The following UBXN2B variants were observed in gnomAD, a reference collection of about 807,000 sequenced individuals.
UBXN2B encodes the protein UBX domain protein 2B.
In UBXN2B, 19 loss-of-function variants were observed where a neutral mutation model predicts 37.5. The ratio of observed to expected loss-of-function variants is 0.51; its 90% confidence interval spans 0.35 to 0.74. UBXN2B has a LOEUF of 0.74. Among genes scored for constraint, UBXN2B ranks in the 30% least tolerant of loss-of-function variants. The probability of loss-of-function intolerance (pLI) is 0.01; values close to 1 mark genes in which losing one functional copy is unlikely to be tolerated. For missense variants in UBXN2B, 370 were observed against 393.2 expected, an observed-to-expected ratio of 0.94 and a Z score of 0.50; for synonymous variants, 145 against 143.8, an observed-to-expected ratio of 1.01 and a Z score of -0.06.
intron 3 of UBXN2B, among the ~76,000 whole-genome samples, chr8:58,432,341 C>T (rs1808300202): frequency 6.9e-6 from 1 of 143,986 alleles, no homozygotes; most frequent in South Asian, 2.2e-4. Context: ...GCACTCCTTT[C>T]TCCATTGAAT....
At chr8:58,433,611 T>TAAAA (rs34836809) in intron 4 of UBXN2B, among the ~76,000 whole-genome samples, 2 of 118,044 alleles carry the variant, frequency 1.7e-5, no homozygotes, top group South Asian at 2.8e-4. Context: ...CCTATCTCTT[T>TAAAA]AAAAAAAAAA....
At chr8:58,435,626 A>G (rs969056838) in intron 5 of UBXN2B, among the ~76,000 whole-genome samples, 2 of 152,224 alleles carry the variant, frequency 1.3e-5, no homozygotes, top group African/African-American at 4.8e-5. Context: ...TAATTTCAAG[A>G]TAGTGGAAAC....
Position 58,451,443 on chromosome 8 carries a change from T to C in UBXN2B, c.*3892T>C, listed in dbSNP as rs531008257. The C allele has an allele frequency of 2.0e-5, 3 of 152,366 alleles. No individual in the cohort carries two copies. The highest frequency in any genetic ancestry group is 4.8e-5 in the African/African-American group (2 of 41,584). The allele number at this position is 152,366 out of a possible 1,614,324, so 9.4% of individuals were successfully genotyped here. ...GAGGTCAGTCATTTTGCATGATGTA[T>C]GTAATCAAAAAGTTTGAAATGTCTG... On this transcript the variant is annotated 3_prime_UTR_variant, in exon 8 of 8. Coordinates refer to ENST00000399598, the MANE Select transcript of UBXN2B (RefSeq NM_001077619.2).
At chr8:58,423,670 C>T (rs1420791870) in intron 2 of UBXN2B, among the ~76,000 whole-genome samples, 1 of 151,628 alleles carries the variant, frequency 6.6e-6, no homozygotes, top group Non-Finnish European at 1.5e-5. Context: ...CTCCTGACCT[C>T]ATGATCCGCC....
In UBXN2B at chr8:58,448,743, C is replaced by G. The variant is rs941825367; in HGVS notation, c.*1192C>G. On this transcript the variant is annotated 3_prime_UTR_variant, in exon 8 of 8. Coordinates refer to ENST00000399598, the MANE Select transcript of UBXN2B (RefSeq NM_001077619.2). ...ATTACCAGCATAAATGTTTGCATTT[C>G]TGCTGAAGCCAGAAGCTTTTCCTTC... 1.3e-5 allele frequency: 2 copies of G among 152,574 alleles called. No homozygotes were observed. Among genetic ancestry groups the G allele is most frequent in the African/African-American group, 4.8e-5 (2 of 41,446 alleles). 9.5% of individuals were successfully genotyped at this position (152,574 alleles called of 1,614,324 possible).
intron 3 of UBXN2B, 28 bp downstream of exon 3, chr8:58,430,697 A>G (rs1288555017): frequency 3.6e-6 from 5 of 1,388,018 alleles, no homozygotes; most frequent in Middle Eastern, 1.9e-4. Flanking sequence ...AACTAAATAC[A>G]TTGTTTCTAT....
intron 1 of UBXN2B, among the ~76,000 whole-genome samples, chr8:58,413,541 C>T (rs986445933): frequency 6.6e-6 from 1 of 152,114 alleles, no homozygotes; most frequent in Non-Finnish European, 1.5e-5. Context: ...TAACAGCTTG[C>T]TCTAAGAGTC....
At chr8:58,446,955 C>T (rs563048811) in intron 7 of UBXN2B, among the ~76,000 whole-genome samples, 19 of 151,666 alleles carry the variant, frequency 1.3e-4, no homozygotes, top group African/African-American at 4.6e-4. Flanking sequence ...CACCACCATG[C>T]CCAGCTAATT....
chr8:58,416,105 A>G (rs1012091180), intron 1 of UBXN2B, among the ~76,000 whole-genome samples: 3 of 151,694 alleles, frequency 2.0e-5, no homozygotes, highest in African/African-American at 7.3e-5. Context: ...TGCCAATTAT[A>G]ATTGAATAGC....
intron 3 of UBXN2B, among the ~76,000 whole-genome samples, chr8:58,432,550 T>C (rs192789390): frequency 2.6e-5 from 4 of 151,812 alleles, no homozygotes; most frequent in Non-Finnish European, 5.9e-5. Context: ...ACCCAGCTAA[T>C]TTTTTGTATT....
intron 5 of UBXN2B, among the ~76,000 whole-genome samples, chr8:58,436,488 C>T (rs1056280467): frequency 1.4e-4 from 22 of 152,170 alleles, no homozygotes; most frequent in African/African-American, 5.3e-4. Flanking sequence ...TCCCCTACCT[C>T]GACACTGAAT....
chr8:58,450,906 G>A lies in UBXN2B; in HGVS notation c.*3355G>A, dbSNP rs1218770678. 3 of 152,326 alleles carry A rather than the reference G, an allele frequency of 2.0e-5. No homozygotes were observed. The highest frequency in any genetic ancestry group is 6.5e-5 in the Admixed American group (1 of 15,284). 9.4% of individuals were successfully genotyped at this position (152,326 alleles called of 1,614,324 possible). ...ACCACTGCAGAGAAGTTTTCTCAGT[G>A]CCGTAATATAGAGGAATTCTCAAAA... On this transcript the variant is annotated 3_prime_UTR_variant, in exon 8 of 8. Transcript: ENST00000399598.
intron 6 of UBXN2B, among the ~76,000 whole-genome samples, chr8:58,442,333 T>G (rs1002280189): frequency 2.6e-5 from 4 of 152,184 alleles, no homozygotes; most frequent in African/African-American, 9.7e-5. Context: ...ATAGAACATT[T>G]TATATTAAAG....
intron 2 of UBXN2B, among the ~76,000 whole-genome samples, chr8:58,417,648 C>T (rs1359125761): frequency 1.3e-5 from 2 of 152,168 alleles, no homozygotes; most frequent in South Asian, 4.1e-4. Context: ...AATACCATCC[C>T]TGGGGAAGAA....
chr8:58,430,816 T>G lies in UBXN2B; in HGVS notation c.339+147T>G, dbSNP rs927598102. On this transcript the variant is annotated intron_variant, in intron 3 of 7. Transcript: ENST00000399598. Reference sequence around the variant, plus strand: ...TTTTATAAAATTATAATATTTCTATTAATGATTGAAAGTTGAGACAATTTC... The same window carrying G: ...TTTTATAAAATTATAATATTTCTATGAATGATTGAAAGTTGAGACAATTTC... 4.4e-6 allele frequency: 3 copies of G among 679,010 alleles called. No individual in the cohort carries two copies. In the African/African-American group the frequency reaches 5.6e-5, roughly 13 times the overall value. The allele number at this position is 679,010 out of a possible 1,614,324, so 42.1% of individuals were successfully genotyped here. A position where few individuals can be genotyped will look rare whatever the true frequency, so the allele number is the denominator to read the frequency against.
chr8:58,414,276 T>C (rs7829017), intron 1 of UBXN2B, among the ~76,000 whole-genome samples: 56,398 of 152,014 alleles, frequency 0.37, 11,121 homozygotes, highest in African/African-American at 0.5. Context: ...GTGTGATTCA[T>C]TGGTTCTAGA....
At chr8:58,441,348 C>CGTGTATATATAT (rs1242681481) in intron 6 of UBXN2B, among the ~76,000 whole-genome samples, 1 of 104,660 alleles carries the variant, frequency 9.6e-6, no homozygotes, top group African/African-American at 4.0e-5. Context: ...TTGTGATCAA[C>CGTGTATATATAT]ATATATATAT....
intron 5 of UBXN2B, 84 bp downstream of exon 5, chr8:58,434,588 G>T: frequency 9.4e-7 from 1 of 1,069,452 alleles, no homozygotes; most frequent in Non-Finnish European, 1.3e-6. Context: ...GTGCACTACG[G>T]GTTTTCAAGA....
At chr8:58,444,879 T>C (rs1309511207) in intron 6 of UBXN2B, among the ~76,000 whole-genome samples, 1 of 152,214 alleles carries the variant, frequency 6.6e-6, no homozygotes, top group Non-Finnish European at 1.5e-5. Context: ...CACTTTACTG[T>C]GTACTCTGAG....
Sources: gnomAD v4.1 joint callset for allele counts (sites outside exome capture counted in the v4.1 genomes callset) on GRCh38, gnomAD v4.1.1 for gene constraint, MANE v1.5 for transcripts, NCBI Gene and HGNC (gene_info 2026-07-23, HGNC 2026-07-21) for gene names.